The following HELZ variants were observed in gnomAD, a reference collection of about 807,000 sequenced individuals.
The protein encoded by HELZ is ATP-dependent RNA helicase with zinc finger domain.
Under a neutral mutation model 218.2 loss-of-function variants are expected in HELZ, and 23 were observed. That is an observed-to-expected ratio of 0.11 (90% confidence interval 0.08 to 0.15). The LOEUF (loss-of-function observed/expected upper bound fraction) is 0.15, where lower values mean the gene tolerates loss of function less well. Ranked by LOEUF, HELZ falls within the 10% of genes least tolerant of loss-of-function variation. The pLI, the probability that HELZ is intolerant of heterozygous loss-of-function variation, is 1.00. For synonymous variants in HELZ, 814 were observed against 829.4 expected, an observed-to-expected ratio of 0.98 and a Z score of 0.32; for missense variants, 1,813 against 2,353.7, an observed-to-expected ratio of 0.77 and a Z score of 4.75.
At chr17:67,183,044 T>A (rs1286738879) in intron 12 of HELZ, among the ~76,000 whole-genome samples, 1 of 152,238 alleles carries the variant, frequency 6.6e-6, no homozygotes, top group African/African-American at 2.4e-5. Context: ...AAACCTGCTA[T>A]ATTTATCTAG....
At chr17:67,147,275 T>TATATAG (rs1473552633) in intron 20 of HELZ, among the ~76,000 whole-genome samples, 2 of 152,186 alleles carry the variant, frequency 1.3e-5, no homozygotes, top group African/African-American at 4.8e-5. Context: ...TGTGTAGATA[T>TATATAG]ATATAGATAT....
At chr17:67,086,639 T>TAAATAA in intron 32 of HELZ, among the ~76,000 whole-genome samples, 190 bp downstream of exon 32, 1 of 86,380 alleles carries the variant, frequency 1.2e-5, no homozygotes, top group Non-Finnish European at 2.6e-5. Flanking sequence ...TAAATATATA[T>TAAATAA]ATATATATAT....
chr17:67,160,928 C>T lies in HELZ; in HGVS notation c.2044G>A (p.Val682Ile). The T allele has an allele frequency of 6.2e-7, 1 of 1,609,544 alleles. No individual in the cohort carries two copies. Among genetic ancestry groups the T allele is most frequent in the Non-Finnish European group, 8.5e-7 (1 of 1,178,096 alleles). ...TGKTFTLAQAVKHILQQQETR... is the reference protein window; with the variant it reads ...TGKTFTLAQAIKHILQQQETR... Reference sequence around the variant, plus strand: ...TCCTGTTGCTGCAGAATATGTTTGACAGCCTGAGCTAGAGTGAACGTTTTG... The same window carrying T: ...TCCTGTTGCTGCAGAATATGTTTGATAGCCTGAGCTAGAGTGAACGTTTTG... The change falls in exon 16 of 33, where the codon GTC (valine) becomes ATC (isoleucine). Residue 682 changes from valine (V) to isoleucine (I), a missense_variant. Val to Ile is a conservative substitution (Grantham distance 29, BLOSUM62 3). Coordinates refer to ENST00000358691, the MANE Select transcript of HELZ (RefSeq NM_014877.4).
chr17:67,146,198 A>AT (rs918921231), intron 20 of HELZ, among the ~76,000 whole-genome samples: 5 of 151,706 alleles, frequency 3.3e-5, no homozygotes, highest in African/African-American at 7.3e-5. Flanking sequence ...TCCTTGGTTA[A>AT]TTTTTTTTTA....
At chr17:67,223,139 A>G (rs1249672840) in intron 3 of HELZ, among the ~76,000 whole-genome samples, 2 of 151,564 alleles carry the variant, frequency 1.3e-5, no homozygotes, top group Non-Finnish European at 2.9e-5. Flanking sequence ...GGGCGCCTGT[A>G]GTCCCAGCTA....
chr17:67,112,330 A>C (rs1319964847), intron 28 of HELZ, among the ~76,000 whole-genome samples: 3 of 152,234 alleles, frequency 2.0e-5, no homozygotes, highest in African/African-American at 7.2e-5. Context: ...AGAGACACTT[A>C]GATATCTTGG....
At chr17:67,206,598 C>CT (rs60076524) in intron 5 of HELZ, among the ~76,000 whole-genome samples, 38,112 of 137,788 alleles carry the variant, frequency 0.28, 6,875 homozygotes, top group African/African-American at 0.53. Flanking sequence ...CATATTAGGA[C>CT]TTTTTTTTTT....
intron 3 of HELZ, among the ~76,000 whole-genome samples, chr17:67,239,169 T>C (rs1392955889): frequency 6.6e-6 from 1 of 152,230 alleles, no homozygotes; most frequent in Non-Finnish European, 1.5e-5. Flanking sequence ...GCTGAGCCCC[T>C]ATGCAGTTAC....
chr17:67,107,063 A>G, intron 31 of HELZ, 106 bp downstream of exon 31: 1 of 1,042,016 alleles, frequency 9.6e-7, no homozygotes, highest in Non-Finnish European at 1.4e-6. Context: ...TATCTTTAAT[A>G]CGCTGTTAAA....
rs1399631442 is a variant in HELZ, at chr17:67,244,905, C to T, written c.-132+243G>A. On this transcript the variant is annotated intron_variant, in intron 1 of 32. Coordinates refer to ENST00000358691, the MANE Select transcript of HELZ (RefSeq NM_014877.4). ...CTGCCAGGGCCCAGGACGCTGCGGG[C>T]CCCAGCGGAGGGGAAGGGGACTAAG... The T allele has an allele frequency of 6.1e-6, 6 of 985,916 alleles. No individual in the cohort carries two copies. The East Asian group carries it at 4.5e-4, about 75-fold the overall frequency. The allele number at this position is 985,916 out of a possible 1,614,324, so 61.1% of individuals were successfully genotyped here.
intron 5 of HELZ, among the ~76,000 whole-genome samples, chr17:67,205,605 G>A (rs779760789): frequency 6.6e-6 from 1 of 152,172 alleles, no homozygotes; most frequent in Admixed American, 6.5e-5. Context: ...GGGATATTAA[G>A]AAACTAGTTG....
rs770688528 is a variant in HELZ at position 67,178,722 on chromosome 17, T to C, written c.1367A>G (p.Tyr456Cys). Reference sequence around the variant, plus strand: ...AAGAAGGTCATGTAACCGTGACTGATAGTTGCTCTTGGTCAATGATTTGTC... The same window carrying C: ...AAGAAGGTCATGTAACCGTGACTGACAGTTGCTCTTGGTCAATGATTTGTC... ...VLDKSLTKSN[Y>C]QSRLHDLLYI... Residue 456 changes from tyrosine to cysteine, a missense_variant, in exon 13 of 33, where the codon TAT becomes TGT. Around this residue, in one of 4 missense-constraint regions of HELZ, gnomAD observed 714 missense variants for 1,029.2 expected, o/e 0.69. Coordinates refer to ENST00000358691, the MANE Select transcript of HELZ (RefSeq NM_014877.4). 6.8e-6 allele frequency: 11 copies of C among 1,613,750 alleles called. No individual in the cohort carries two copies. The highest frequency in any genetic ancestry group is 5.3e-5 in the African/African-American group (4 of 74,910).
Position 67,078,375 on chromosome 17 carries a change from G to A in HELZ, c.5706C>T (p.Ala1902=). ...PAMSYASALR[A]PPKPRPPPEQ... ...CAGGAGGGGGCCTGGGCTTTGGAGG[G>A]GCCCGCAGAGCGCTGGCATAGGACA... is the stretch of plus-strand genomic sequence containing the variant. The change falls in exon 33 of 33, where the codon GCC becomes GCT. Residue 1902 remains alanine (A), a synonymous_variant. Coordinates refer to ENST00000358691, the MANE Select transcript of HELZ (RefSeq NM_014877.4). 1 of 1,610,722 alleles carries A rather than the reference G, an allele frequency of 6.2e-7. No homozygotes were observed. The highest frequency in any genetic ancestry group is 8.5e-7 in the Non-Finnish European group (1 of 1,178,968).
chr17:67,206,184 TA>T (rs2040291300), intron 5 of HELZ, among the ~76,000 whole-genome samples: 1 of 152,248 alleles, frequency 6.6e-6, no homozygotes, highest in African/African-American at 2.4e-5. Context: ...TCCTTGCAGA[TA>T]AATTCTCTTC....
At chr17:67,136,228 TAA>T (rs748500054) in intron 22 of HELZ, 30 bp from the exon 23 acceptor site, 9 of 1,420,074 alleles carry the variant, frequency 6.3e-6, no homozygotes, top group Admixed American at 1.8e-5. Context: ...AGAAAAGACT[TAA>T]GATTGTCATT....
At chr17:67,112,989 G>A (rs896861509) in intron 28 of HELZ, among the ~76,000 whole-genome samples, 1 of 152,172 alleles carries the variant, frequency 6.6e-6, no homozygotes, top group Non-Finnish European at 1.5e-5. Context: ...AAGTATGTTC[G>A]TAAGAGCACA....
In HELZ at chr17:67,188,132, G is replaced by T. The variant is rs529192049; in HGVS notation, c.1162+187C>A. On this transcript the variant is annotated intron_variant, in intron 12 of 32. Coordinates refer to ENST00000358691, the MANE Select transcript of HELZ (RefSeq NM_014877.4). The surrounding 1 kb of genome is among the most constrained non-coding windows in gnomAD (Gnocchi z 4.1). ...AGTTCAAGCTTTACCTGGTGGCTCT[G>T]TGAAGAAATCAGGGCACAGTGTGAA... 2 of 546,408 alleles carry T rather than the reference G, an allele frequency of 3.7e-6. No individual in the cohort carries two copies. The highest frequency in any genetic ancestry group is 6.7e-5 in the Admixed American group (2 of 29,642). 33.8% of individuals were successfully genotyped at this position (546,408 alleles called of 1,614,324 possible).
intron 31 of HELZ, among the ~76,000 whole-genome samples, chr17:67,095,461 T>C (rs1328933714): frequency 6.6e-6 from 1 of 152,086 alleles, no homozygotes; most frequent in African/African-American, 2.4e-5. Context: ...GGTGGGAGGA[T>C]TGCCAGGGTC....
At position 67,075,321 on chromosome 17, in the gene HELZ, T is replaced by C. The variant is rs1392622518; in HGVS notation, c.*2931A>G. On this transcript the variant is annotated 3_prime_UTR_variant, in exon 33 of 33. Transcript: ENST00000358691. Reference sequence around the variant, plus strand: ...CAAAGGACAAAGATGTAAAAAGACATTATGTGAACAATTAACCTCACTTAG... The same window carrying C: ...CAAAGGACAAAGATGTAAAAAGACACTATGTGAACAATTAACCTCACTTAG... 2 of 152,080 alleles carry C rather than the reference T, an allele frequency of 1.3e-5. 1 individual carries two copies. The highest frequency in any genetic ancestry group is 3.8e-4 in the East Asian group (2 of 5,200). 9.4% of individuals were successfully genotyped at this position (152,080 alleles called of 1,614,324 possible). A position where few individuals can be genotyped will look rare whatever the true frequency, so the allele number is the denominator to read the frequency against.
Sources: gnomAD v4.1 joint callset for allele counts (sites outside exome capture counted in the v4.1 genomes callset) on GRCh38, gnomAD v4.1.1 for gene constraint, gnomAD v4.1.1 regional missense constraint, Gnocchi (gnomAD v3.1) non-coding constraint, MANE v1.5 for transcripts, NCBI Gene and HGNC (gene_info 2026-07-23, HGNC 2026-07-21) for gene names.